SMTN: variants seen among roughly 807,000 people sequenced by gnomAD.
SMTN encodes the protein smoothelin.
In SMTN, 58 loss-of-function variants were observed where a neutral mutation model predicts 102.0. The observed-to-expected ratio is 0.57, with a 90% CI of 0.46 to 0.71. SMTN has a LOEUF of 0.71. Among genes scored for constraint, SMTN ranks in the 30% least tolerant of loss-of-function variants. The probability of loss-of-function intolerance (pLI) is 0.00; values close to 1 mark genes in which losing one functional copy is unlikely to be tolerated. For synonymous variants in SMTN, 478 were observed against 497.9 expected, an observed-to-expected ratio of 0.96 and a Z score of 0.53; for missense variants, 1,185 against 1,241.7, an observed-to-expected ratio of 0.95 and a Z score of 0.69.
At position 31,091,781 on chromosome 22, in the gene SMTN, C is replaced by T. The variant is rs1602636737; in HGVS notation, c.1566C>T (p.Gly522=). 1 of 1,609,712 alleles carries T rather than the reference C, an allele frequency of 6.2e-7. No individual in the cohort carries two copies. The highest frequency in any genetic ancestry group is 2.2e-5 in the East Asian group (1 of 44,570). The change falls in exon 11 of 21, where the codon GGC becomes GGT. Residue 522 remains glycine, a synonymous_variant. Transcript: ENST00000333137. ...GCCCTGGGACCCTGGCTCGGCTGGG[C>T]AGTGTCACTCATGTCACCAGCTTCA... ...VNSPGTLARL[G]SVTHVTSFSH... is the part of the protein sequence containing the mutation.
At position 31,103,070 on chromosome 22, in the gene SMTN, T is replaced by A. The variant is rs933588661; in HGVS notation, c.*21-1246T>A. The A allele has an allele frequency of 3.3e-5, 5 of 152,246 alleles. No individual in the cohort carries two copies. In the South Asian group the frequency reaches 6.2e-4, roughly 19 times the overall value. The allele number at this position is 152,246 out of a possible 1,614,324, so 9.4% of individuals were successfully genotyped here. ...TCTAGCACCCACAACTGGTTAGGGA[T>A]ACAGTCTGGACTAAAACAGAGGTGT... On this transcript the variant is annotated intron_variant, in intron 20 of 20. Transcript: ENST00000333137.
At chr22:31,082,041 C>T (rs2042343335) in intron 1 of SMTN, 1 of 155,866 alleles carries the variant, frequency 6.4e-6, no homozygotes, top group South Asian at 1.8e-4. Flanking sequence ...CCACACACCC[C>T]AACTGTGTGG....
chr22:31,091,231 C>T lies in SMTN; in HGVS notation c.1208C>T (p.Pro403Leu), dbSNP rs1443205232. 3.1e-6 allele frequency: 5 copies of T among 1,609,720 alleles called. No homozygotes were observed. Among genetic ancestry groups the T allele is most frequent in the South Asian group, 1.1e-5 (1 of 90,760 alleles). ...FSKEQRGVAQ[P>L]LAQLRSCPQE... Reference sequence around the variant, plus strand: ...AAGGAGCAACGAGGAGTAGCCCAGCCCCTGGCCCAGCTTCGAAGCTGCCCC... The same window carrying T: ...AAGGAGCAACGAGGAGTAGCCCAGCTCCTGGCCCAGCTTCGAAGCTGCCCC... The change falls in exon 10 of 21, where the codon CCC becomes CTC. Residue 403 changes from proline (P) to leucine (L), a missense_variant. By Grantham distance (98) the Pro-to-Leu change is moderately conservative (BLOSUM62 -3). Transcript: ENST00000333137.
chr22:31,097,382 C>T (rs1268535850), intron 16 of SMTN, 44 bp downstream of exon 16: 6 of 1,552,458 alleles, frequency 3.9e-6, no homozygotes, highest in Non-Finnish European at 5.3e-6. Context: ...GAGTCAGTGC[C>T]ACAGGGGACC....
intron 1 of SMTN, among the ~76,000 whole-genome samples, chr22:31,069,017 G>A (rs2041931960): frequency 6.6e-6 from 1 of 152,100 alleles, no homozygotes. Context: ...CTCTCTCAGG[G>A]GCATTCATCT....
At chr22:31,067,338 C>G (rs1359440700) in intron 1 of SMTN, 1 of 151,240 alleles carries the variant, frequency 6.6e-6, no homozygotes, top group African/African-American at 2.4e-5. Flanking sequence ...CTCCCAGGTT[C>G]AAGCAATTCT....
intron 2 of SMTN, among the ~76,000 whole-genome samples, chr22:31,086,015 TACCCTCTGTACAGA>T (rs2042673688): frequency 6.6e-6 from 1 of 152,186 alleles, no homozygotes; most frequent in Non-Finnish European, 1.5e-5. Flanking sequence ...TGGGCCTCTT[TACCCTCTGTACAGA>T]AGGGGCTGGA....
intron 18 of SMTN, 142 bp downstream of exon 18, chr22:31,099,321 G>C: frequency 3.2e-6 from 2 of 623,160 alleles, no homozygotes; most frequent in Non-Finnish European, 5.6e-6. Flanking sequence ...CTTGGGGTGA[G>C]GAAACTGAGG....
At position 31,088,102 on chromosome 22, in the gene SMTN, G is replaced by A. The variant is rs951110693; in HGVS notation, c.189G>A (p.Glu63=). 2.5e-6 allele frequency: 4 copies of A among 1,602,364 alleles called. No individual in the cohort carries two copies. In the African/African-American group the frequency reaches 4.0e-5, roughly 16 times the overall value. Residue 63 remains glutamate (E), a synonymous_variant, in exon 3 of 21, where the codon GAG becomes GAA. Coordinates refer to ENST00000333137, the MANE Select transcript of SMTN (RefSeq NM_134269.3). ...RFRAERQDNK[E]NWLHSQQREA... ...GTGCCGAGCGGCAGGACAACAAGGA[G>A]AACTGGCTGCAGTGAGTAGCGGGGG...
Position 31,099,050 on chromosome 22 carries a change from C to A in SMTN, c.2334-12C>A. ...ATAGTCGTGTGACCTGGTCCTGACA[C>A]CGCCCCTACAGCAGCCCTGGCGGAC... On this transcript the variant is annotated splice_polypyrimidine_tract_variant and intron_variant, in intron 17 of 20. Coordinates refer to ENST00000333137, the MANE Select transcript of SMTN (RefSeq NM_134269.3). 11 of 1,608,590 alleles carry A rather than the reference C, an allele frequency of 6.8e-6. No individual in the cohort carries two copies. Among genetic ancestry groups the A allele is most frequent in the Non-Finnish European group, 8.5e-6 (10 of 1,178,752 alleles).
In SMTN at chr22:31,089,749, C is replaced by T. The variant is rs747483878; in HGVS notation, c.522C>T (p.Thr174=). 2 of 1,610,134 alleles carry T rather than the reference C, an allele frequency of 1.2e-6. No homozygotes were observed. The highest frequency in any genetic ancestry group is 1.7e-6 in the Non-Finnish European group (2 of 1,179,818). Residue 174 remains threonine (T), a synonymous_variant, in exon 7 of 21, where the codon ACC becomes ACT. Transcript: ENST00000333137. ...AGCAGGCAGAGGTTTCAAAGCCAACCCCCACCCCTGAAGGCACCAGCCAGG... is the reference window on the plus strand; with the variant it reads ...AGCAGGCAGAGGTTTCAAAGCCAACTCCCACCCCTGAAGGCACCAGCCAGG... The part of the protein sequence containing the change: ...QEQQAEVSKP[T]PTPEGTSQDV...
Position 31,100,998 on chromosome 22 carries a change from A to G in SMTN, c.2717A>G (p.Gln906Arg). Residue 906 changes from glutamine to arginine, a missense_variant, in exon 20 of 21, where the codon CAG becomes CGG. Coordinates refer to ENST00000333137, the MANE Select transcript of SMTN (RefSeq NM_134269.3). ...YIQEFYRCLVQKGLVKTKKS is the reference protein window; with the variant it reads ...YIQEFYRCLVRKGLVKTKKS ...CAGGAATTCTACCGCTGTCTGGTCC[A>G]GAAGGGGCTGGTAAAAACCAAAAAG... The G allele has an allele frequency of 6.2e-7, 1 of 1,613,428 alleles. No homozygotes were observed. The highest frequency in any genetic ancestry group is 8.5e-7 in the Non-Finnish European group (1 of 1,179,806).
At chr22:31,078,671 C>A (rs10854603), upstream of SMTN, among the ~76,000 whole-genome samples, 22,661 of 152,246 alleles carry the variant, frequency 0.15, 1,787 homozygotes, top group Middle Eastern at 0.18. Context: ...CACTGTTCCT[C>A]TGCCACAAAT....
Position 31,083,295 on chromosome 22 carries a change from G to A in SMTN, c.37G>A (p.Ala13Thr), listed in dbSNP as rs1264151776. 1.9e-6 allele frequency: 3 copies of A among 1,578,804 alleles called. No individual in the cohort carries two copies. Among genetic ancestry groups the A allele is most frequent in the Non-Finnish European group, 8.6e-7 (1 of 1,164,696 alleles). Reference sequence around the variant, plus strand: ...GGCCTTAGCTGGGCTGGATGAGGGAGCCCTTCGGAAGCTGGTAAGTGGCCC... The same window carrying A: ...GGCCTTAGCTGGGCTGGATGAGGGAACCCTTCGGAAGCTGGTAAGTGGCCC... ...DEALAGLDEG[A>T]LRKLLEVTAD... The change falls in exon 2 of 21, where the codon GCC becomes ACC. Residue 13 changes from alanine to threonine, a missense_variant. By Grantham distance (58) the Ala-to-Thr change is moderately conservative. Coordinates refer to ENST00000333137, the MANE Select transcript of SMTN (RefSeq NM_134269.3).
rs553277907 is a variant in SMTN at position 31,091,865 on chromosome 22, C to T, written c.1632+18C>T. The T allele has an allele frequency of 1.3e-6, 2 of 1,545,858 alleles. No homozygotes were observed. The highest frequency in any genetic ancestry group is 1.4e-5 in the African/African-American group (1 of 73,212). ...GCATCAAGGTGAGCCCCTCCTCACC[C>T]CACCAGCCTCACCATCCGTCAGCCT... is the stretch of plus-strand genomic sequence containing the variant. On this transcript the variant is annotated intron_variant, in intron 11 of 20. Transcript: ENST00000333137.
chr22:31,076,739 T>C (rs1222009434), upstream of SMTN, among the ~76,000 whole-genome samples: 1 of 152,198 alleles, frequency 6.6e-6, no homozygotes, highest in African/African-American at 2.4e-5. Flanking sequence ...CAGTTACCTA[T>C]TTGAACCATA....
At chr22:31,085,592 G>C (rs2042634911) in intron 2 of SMTN, among the ~76,000 whole-genome samples, 1 of 152,206 alleles carries the variant, frequency 6.6e-6, no homozygotes, top group Admixed American at 6.5e-5. Flanking sequence ...GGGCAGTTTC[G>C]GAAACCGCCC....
Position 31,097,019 on chromosome 22 carries a change from G to A in SMTN, c.2048G>A (p.Arg683His), listed in dbSNP as rs766739653. The A allele has an allele frequency of 8.7e-6, 14 of 1,614,114 alleles. No individual in the cohort carries two copies. The highest frequency in any genetic ancestry group is 1.7e-5 in the Admixed American group (1 of 60,016). ...VHSNDGTRTA[R>H]TTTVESSFVR... is the part of the protein sequence containing the mutation. The stretch of plus-strand genomic sequence containing the variant: ...GCAGATGATGGCACACGGACGGCCC[G>A]CACCACCACAGTGGAGTCGAGTTTC... The change falls in exon 15 of 21, where the codon CGC becomes CAC. Residue 683 changes from arginine (R) to histidine (H), a missense_variant. By Grantham distance (29) the Arg-to-His change is conservative (BLOSUM62 0). Around this residue, in one of 2 missense-constraint regions of SMTN, gnomAD observed 1,096 missense variants for 1,112.7 expected, o/e 0.98. Transcript: ENST00000333137.
chr22:31,087,276 C>G (rs2042772003), intron 2 of SMTN: 1 of 152,294 alleles, frequency 6.6e-6, no homozygotes, highest in African/African-American at 2.4e-5. Flanking sequence ...CCGGTAGAAG[C>G]AGCTGTCACC....
Sources: allele counts gnomAD v4.1 joint callset (sites outside exome capture counted in the v4.1 genomes callset), GRCh38; gene constraint gnomAD v4.1.1; regional missense constraint gnomAD v4.1.1; transcripts MANE v1.5; gene names NCBI Gene and HGNC (gene_info 2026-07-23, HGNC 2026-07-21).